ECEL1: variants seen among roughly 807,000 people sequenced by gnomAD.
ECEL1 encodes endothelin-converting enzyme-like 1.
Under a neutral mutation model 101.8 loss-of-function variants are expected in ECEL1, and 87 were observed. The observed-to-expected ratio is 0.85, with a 90% CI of 0.72 to 1.02. ECEL1 has a LOEUF of 1.02. Among genes scored for constraint, ECEL1 ranks in the 50% least tolerant of loss-of-function variants. The pLI is 0.00. For synonymous variants in ECEL1, 487 were observed against 468.7 expected, an observed-to-expected ratio of 1.04 and a Z score of -0.50; for missense variants, 1,032 against 1,079.2, an observed-to-expected ratio of 0.96 and a Z score of 0.61.
Position 232,481,828 on chromosome 2 carries a change from G to T in ECEL1, c.1818C>A (p.Ile606=), listed in dbSNP as rs1284757016. 6.2e-7 allele frequency: 1 copy of T among 1,613,948 alleles called. No homozygotes were observed. The highest frequency in any genetic ancestry group is 1.1e-5 in the South Asian group (1 of 91,086). Residue 606 remains isoleucine (I), a synonymous_variant, in exon 13 of 18, where the codon ATC becomes ATA. Coordinates refer to ENST00000304546, the MANE Select transcript of ECEL1 (RefSeq NM_004826.4). Reference sequence around the variant, plus strand: ...TCAGCTCATGTCCAATGATGGTGCCGATGCCCCCGTAGTTGAGAGACCTGG... The same window carrying T: ...TCAGCTCATGTCCAATGATGGTGCCTATGCCCCCGTAGTTGAGAGACCTGG... ...DFPQSLNYGG[I]GTIIGHELTH...
chr2:232,479,931 C>G lies in ECEL1; in HGVS notation c.*222G>C. ...GGGTCTGGCCCCCTTAGAGCAGAATCTGGGGACCCCAGTATATTTCCCTCA... is the reference window on the plus strand; with the variant it reads ...GGGTCTGGCCCCCTTAGAGCAGAATGTGGGGACCCCAGTATATTTCCCTCA... On this transcript the variant is annotated 3_prime_UTR_variant, in exon 18 of 18. Coordinates refer to ENST00000304546, the MANE Select transcript of ECEL1 (RefSeq NM_004826.4). 1.7e-6 allele frequency: 1 copy of G among 588,236 alleles called. No homozygotes were observed. The highest frequency in any genetic ancestry group is 1.9e-5 in the African/African-American group (1 of 53,700). 36.4% of individuals were successfully genotyped at this position (588,236 alleles called of 1,614,324 possible). A position where few individuals can be genotyped will look rare whatever the true frequency, so the allele number is the denominator to read the frequency against.
intron 10 of ECEL1, 50 bp from the exon 11 acceptor site, chr2:232,482,658 T>C: frequency 6.4e-7 from 1 of 1,572,406 alleles, no homozygotes; most frequent in Non-Finnish European, 8.7e-7. Context: ...CCTCCCCCGC[T>C]ACCCTCACAT....
At position 232,485,307 on chromosome 2, in the gene ECEL1, C is replaced by T. The variant is rs779160649; in HGVS notation, c.787-40G>A. On this transcript the variant is annotated intron_variant, in intron 2 of 17. Transcript: ENST00000304546. The stretch of plus-strand genomic sequence containing the variant: ...AGGGGCCACAGGTCAGAGGCCCACA[C>T]CTCAGGTTCCCTAAACAGAGGGAAT... The T allele has an allele frequency of 5.6e-6, 9 of 1,603,418 alleles. No homozygotes were observed. In the Admixed American group the frequency reaches 1.5e-4, roughly 27 times the overall value.
At chr2:232,481,410 T>A in intron 14 of ECEL1, 96 bp downstream of exon 14, 1 of 1,516,008 alleles carries the variant, frequency 6.6e-7, no homozygotes, top group Non-Finnish European at 8.9e-7. Flanking sequence ...GCACAGGTTT[T>A]GTTTGGACAT....
chr2:232,485,799 G>A, intron 2 of ECEL1, 69 bp downstream of exon 2: 4 of 1,520,874 alleles, frequency 2.6e-6, no homozygotes, highest in Non-Finnish European at 3.5e-6. Context: ...CGCGCGCAGG[G>A]ACCCCTGGGC....
chr2:232,481,090 C>T lies in ECEL1; in HGVS notation c.2055+1G>A, dbSNP rs1427669165. Reference sequence around the variant, plus strand: ...GGGTGGAGCACAGGCAGGCCGCTCACGTGGTAGGCCAGCTTGAGGCCGCCC... The same window carrying T: ...GGGTGGAGCACAGGCAGGCCGCTCATGTGGTAGGCCAGCTTGAGGCCGCCC... On this transcript the variant is annotated splice_donor_variant, in intron 15 of 17. Coordinates refer to ENST00000304546, the MANE Select transcript of ECEL1 (RefSeq NM_004826.4). LOFTEE classifies it high-confidence loss of function. 5.8e-6 allele frequency: 9 copies of T among 1,558,332 alleles called. No homozygotes were observed. The highest frequency in any genetic ancestry group is 2.4e-5 in the South Asian group (2 of 84,538).
intron 2 of ECEL1, among the ~76,000 whole-genome samples, chr2:232,485,549 T>G (rs563250997): frequency 6.6e-6 from 1 of 152,258 alleles, no homozygotes; most frequent in East Asian, 1.9e-4. Flanking sequence ...ACCCCTAGCT[T>G]TGGGGCCAGC....
chr2:232,483,184 G>A lies in ECEL1; in HGVS notation c.1507-5C>T, dbSNP rs1203386314. ...CATCACCATCATGTACTGGAGCTGCGGGCCGAGGGCAGGTGAAGGTGGCAC... is the reference window on the plus strand; with the variant it reads ...CATCACCATCATGTACTGGAGCTGCAGGCCGAGGGCAGGTGAAGGTGGCAC... On this transcript the variant is annotated splice_region_variant and splice_polypyrimidine_tract_variant and intron_variant, in intron 8 of 17. Coordinates refer to ENST00000304546, the MANE Select transcript of ECEL1 (RefSeq NM_004826.4). 2.3e-5 allele frequency: 37 copies of A among 1,598,632 alleles called. No homozygotes were observed. In the Middle Eastern group the frequency reaches 5.0e-4, roughly 21 times the overall value.
chr2:232,480,829 G>A lies in ECEL1; in HGVS notation c.2056-16C>T. On this transcript the variant is annotated splice_polypyrimidine_tract_variant and intron_variant, in intron 15 of 17. Transcript: ENST00000304546. ...TCTGATAGGCCTGGGGACACAGAGAGCATGGACCTGCTATGCCCGCCCACC... is the reference window on the plus strand; with the variant it reads ...TCTGATAGGCCTGGGGACACAGAGAACATGGACCTGCTATGCCCGCCCACC... The A allele has an allele frequency of 6.2e-7, 1 of 1,607,530 alleles. No homozygotes were observed. Among genetic ancestry groups the A allele is most frequent in the Non-Finnish European group, 8.5e-7 (1 of 1,176,706 alleles).
rs372786428 is a variant in ECEL1, at chr2:232,485,035, G to A, written c.912C>T (p.Asp304=). ...TCTCTTGGGCCTTCTGTTCCACAGC[G>A]TCTGCACCCAGGAGGCTGAGCACTC... ...MERVLSLLGA[D]AVEQKAQEIL... Residue 304 remains aspartate (D), a synonymous_variant, in exon 4 of 18, where the codon GAC becomes GAT. Transcript: ENST00000304546. 1.1e-5 allele frequency: 17 copies of A among 1,612,650 alleles called. No homozygotes were observed. Among genetic ancestry groups the A allele is most frequent in the African/African-American group, 5.3e-5 (4 of 74,898 alleles).
chr2:232,481,472 C>A, intron 14 of ECEL1, 34 bp downstream of exon 14: 1 of 1,586,718 alleles, frequency 6.3e-7, no homozygotes, highest in Non-Finnish European at 8.6e-7. Context: ...CCCCACCAGG[C>A]CTGAGGGGCA....
In ECEL1 at chr2:232,484,790, G is replaced by A. The variant is rs1365826154; in HGVS notation, c.1059+11C>T. 1 of 1,613,602 alleles carries A rather than the reference G, an allele frequency of 6.2e-7. No homozygotes were observed. The highest frequency in any genetic ancestry group is 8.5e-7 in the Non-Finnish European group (1 of 1,179,998). On this transcript the variant is annotated intron_variant, in intron 5 of 17. Transcript: ENST00000304546. ...AACCCTGCCTGCCCACGAGGACTGG[G>A]CCACACTCACGTGGGGGGTGATCTT...
At chr2:232,483,285 G>A (rs745889044) in intron 8 of ECEL1, 106 bp from the exon 9 acceptor site, 1 of 1,559,512 alleles carries the variant, frequency 6.4e-7, no homozygotes, top group Non-Finnish European at 8.8e-7. Flanking sequence ...CTGGGAGTGG[G>A]CTTCACAGTG....
chr2:232,486,467 G>C lies in ECEL1; in HGVS notation c.187C>G (p.Leu63Val). ...PRWNRREVCL[L>V]SGLVFAAGLC... ...CCGGCGGCGAACACCAGCCCCGACAGCAGGCACACCTCGCGCCGGTTCCAG... is the reference window on the plus strand; with the variant it reads ...CCGGCGGCGAACACCAGCCCCGACACCAGGCACACCTCGCGCCGGTTCCAG... Residue 63 changes from leucine (L) to valine (V), a missense_variant, in exon 2 of 18, where the codon CTG becomes GTG. Leu to Val is a conservative substitution (Grantham distance 32). Transcript: ENST00000304546. The C allele has an allele frequency of 6.9e-7, 1 of 1,444,546 alleles. No homozygotes were observed. The highest frequency in any genetic ancestry group is 9.0e-7 in the Non-Finnish European group (1 of 1,109,490). 89.5% of individuals were successfully genotyped at this position (1,444,546 alleles called of 1,614,324 possible).
intron 1 of ECEL1, 132 bp downstream of exon 1, chr2:232,487,587 C>CAGCCGCAGCCGCAGCCGG (rs1690765663): frequency 6.5e-6 from 1 of 153,192 alleles, no homozygotes; most frequent in Admixed American, 6.6e-5. Context: ...CCGGGAGCCG[C>CAGCCGCAGCCGCAGCCGG]AGCCGCAGCC....
At chr2:232,482,635 G>A (rs1690610294) in intron 10 of ECEL1, 27 bp from the exon 11 acceptor site, 1 of 1,596,464 alleles carries the variant, frequency 6.3e-7, no homozygotes, top group African/African-American at 1.3e-5. Context: ...GGGTGAATGG[G>A]GGGAACACAC....
intron 7 of ECEL1, 151 bp from the exon 8 acceptor site, chr2:232,483,665 G>A (rs190207639): frequency 1.4e-6 from 1 of 694,946 alleles, no homozygotes; most frequent in African/African-American, 1.8e-5. Context: ...TGAGGATCCA[G>A]GCCCTGCACC....
In ECEL1 at chr2:232,483,484, T is replaced by C; in HGVS notation, c.1438A>G (p.Ile480Val). 1 of 1,612,044 alleles carries C rather than the reference T, an allele frequency of 6.2e-7. No homozygotes were observed. Among genetic ancestry groups the C allele is most frequent in the Non-Finnish European group, 8.5e-7 (1 of 1,179,606 alleles). Residue 480 changes from isoleucine (I) to valine (V), a missense_variant, in exon 8 of 18, where the codon ATC becomes GTC. Coordinates refer to ENST00000304546, the MANE Select transcript of ECEL1 (RefSeq NM_004826.4). ...VQQLVEDIKY[I>V]LGQRLEELDW... Reference sequence around the variant, plus strand: ...AGCTCCTCCAGGCGCTGGCCCAGGATGTACTTGATGTCTTCCACTAGCTGC... The same window carrying C: ...AGCTCCTCCAGGCGCTGGCCCAGGACGTACTTGATGTCTTCCACTAGCTGC...
rs1575076514 is a variant in ECEL1, at chr2:232,483,104, C to T, written c.1581+1G>A. The T allele has an allele frequency of 6.2e-7, 1 of 1,608,756 alleles. No homozygotes were observed. Among genetic ancestry groups the T allele is most frequent in the Non-Finnish European group, 8.5e-7 (1 of 1,177,882 alleles). On this transcript the variant is annotated splice_donor_variant, in intron 9 of 17. Coordinates refer to ENST00000304546, the MANE Select transcript of ECEL1 (RefSeq NM_004826.4). LOFTEE classifies it high-confidence loss of function. Reference sequence around the variant, plus strand: ...GCTGGGCAGGCAGGGTCAGGGCCCACCTCATACTCCTTGTCCACAGCATCG... The same window carrying T: ...GCTGGGCAGGCAGGGTCAGGGCCCATCTCATACTCCTTGTCCACAGCATCG...
Sources: allele counts gnomAD v4.1 joint callset (sites outside exome capture counted in the v4.1 genomes callset), GRCh38; gene constraint gnomAD v4.1.1; transcripts MANE v1.5; gene names NCBI Gene and HGNC (gene_info 2026-07-23, HGNC 2026-07-21).